The following SLC36A1 variants were observed in gnomAD, a reference collection of about 807,000 sequenced individuals.
SLC36A1 encodes the protein solute carrier family 36 member 1.
Under a neutral mutation model 47.5 loss-of-function variants are expected in SLC36A1, and 30 were observed. The observed-to-expected ratio is 0.63, with a 90% CI of 0.47 to 0.86. The LOEUF (loss-of-function observed/expected upper bound fraction) is 0.86. Ranked by LOEUF, SLC36A1 falls within the 40% of genes least tolerant of loss-of-function variation. The probability of loss-of-function intolerance (pLI) is 0.00; values close to 1 mark genes in which losing one functional copy is unlikely to be tolerated. For missense variants in SLC36A1, 517 were observed against 606.0 expected, an observed-to-expected ratio of 0.85 and a Z score of 1.54; for synonymous variants, 255 against 249.7, an observed-to-expected ratio of 1.02 and a Z score of -0.20.
At chr5:151,495,855 A>T (rs901026082), downstream of SLC36A1, among the ~76,000 whole-genome samples, 1 of 152,154 alleles carries the variant, frequency 6.6e-6, no homozygotes, top group Non-Finnish European at 1.5e-5. Flanking sequence ...ATTTATCAAT[A>T]GTTTTTTTCT....
intron 10 of SLC36A1, among the ~76,000 whole-genome samples, chr5:151,483,521 G>GGGGGCA (rs1759116459): frequency 1.8e-5 from 2 of 109,458 alleles, no homozygotes; most frequent in African/African-American, 5.7e-5. Flanking sequence ...TGTGTGTGGG[G>GGGGGCA]GGGGTGATTA....
chr5:151,465,701 G>C lies in SLC36A1; in HGVS notation c.419+532G>C, dbSNP rs142503997. Among the ~76,000 whole-genome samples, 32 of 152,284 alleles carry C rather than the reference G, an allele frequency of 2.1e-4. No individual in the cohort carries two copies. The East Asian group carries it at 6.2e-3, about 29-fold the overall frequency. ...GGAGTACACCCTCAGTGCTCAGAGA[G>C]AGAGGAACTTTAAAGATTCTCTTGT... On this transcript the variant is annotated intron_variant, in intron 5 of 10. Transcript: ENST00000243389.
rs901593142 is a variant in SLC36A1 at position 151,490,896 on chromosome 5, T to C, written c.*2642T>C. The C allele has an allele frequency of 2.0e-5, 3 of 152,302 alleles. No homozygotes were observed. The highest frequency in any genetic ancestry group is 4.4e-5 in the Non-Finnish European group (3 of 68,130). The allele number at this position is 152,302 out of a possible 1,614,324, so 9.4% of individuals were successfully genotyped here. ...GAATCTCTTATGCAGCCCAAAGGGCTTCTTGAGGTAGAGAGCCCTCCCCAG... is the reference window on the plus strand; with the variant it reads ...GAATCTCTTATGCAGCCCAAAGGGCCTCTTGAGGTAGAGAGCCCTCCCCAG... On this transcript the variant is annotated 3_prime_UTR_variant, in exon 11 of 11. Transcript: ENST00000243389.
At chr5:151,550,605 G>A in the SLC36A1 span, 3,946 of 1,614,098 alleles carry the variant, frequency 2.4e-3, 14 homozygotes, top group Non-Finnish European at 3.1e-3. Context: ...CTGTCAGTGT[G>A]TGCTGGGAGG....
chr5:151,540,251 C>T, the SLC36A1 span, among the ~76,000 whole-genome samples: 21 of 152,174 alleles, frequency 1.4e-4, no homozygotes, highest in Admixed American at 1.3e-3. Flanking sequence ...AGAATGGTCC[C>T]TGCCCCTGGG....
chr5:151,347,918 G>A, the SLC36A1 span, among the ~76,000 whole-genome samples: 7 of 152,280 alleles, frequency 4.6e-5, no homozygotes, highest in South Asian at 1.2e-3. Context: ...TAGCTAGAAA[G>A]TGACAGAGTT....
the SLC36A1 span, chr5:151,525,890 A>G: frequency 1.2e-6 from 2 of 1,614,034 alleles, no homozygotes; most frequent in South Asian, 2.2e-5. Flanking sequence ...CGAAACGAGT[A>G]GGGGGGGCCA....
rs747331189 is a variant in SLC36A1 at position 151,491,431 on chromosome 5, C to T, written c.*3177C>T. 1.3e-5 allele frequency: 2 copies of T among 152,626 alleles called. No homozygotes were observed. The highest frequency in any genetic ancestry group is 6.5e-5 in the Admixed American group (1 of 15,280). 9.5% of individuals were successfully genotyped at this position (152,626 alleles called of 1,614,324 possible). ...GCTCACTGCTCACTGTCTATCCCCA[C>T]GAAATTTAGTTTTATCAGTAGTCTT... is the stretch of plus-strand genomic sequence containing the variant. On this transcript the variant is annotated 3_prime_UTR_variant, in exon 11 of 11. Transcript: ENST00000243389.
the SLC36A1 span, among the ~76,000 whole-genome samples, chr5:151,421,174 CTCCTTCCTTCCTTCCT>C: frequency 1.8e-4 from 25 of 138,888 alleles, no homozygotes; most frequent in South Asian, 3.3e-3. Flanking sequence ...CGCCCTTTCT[CTCCTTCCTTCCTTCCT>C]TCCTTCCTTC....
the SLC36A1 span, among the ~76,000 whole-genome samples, chr5:151,403,751 G>A: frequency 6.6e-6 from 1 of 152,280 alleles, no homozygotes; most frequent in South Asian, 2.1e-4. Context: ...TCTTGGTATT[G>A]ATTTCTATTT....
the SLC36A1 span, among the ~76,000 whole-genome samples, chr5:151,389,290 G>A: frequency 5.4e-4 from 82 of 151,912 alleles, no homozygotes; most frequent in African/African-American, 1.9e-3. Context: ...TGCTAAGAAG[G>A]CTCTTTCCCT....
the SLC36A1 span, among the ~76,000 whole-genome samples, chr5:151,518,598 C>T: frequency 6.6e-5 from 10 of 151,982 alleles, no homozygotes; most frequent in Admixed American, 2.0e-4. Context: ...CAATAAAATG[C>T]GGCTGAGAGG....
At chr5:151,372,160 T>C in the SLC36A1 span, among the ~76,000 whole-genome samples, 1 of 152,192 alleles carries the variant, frequency 6.6e-6, no homozygotes, top group African/African-American at 2.4e-5. Flanking sequence ...AATTCTGAGA[T>C]TCTGGGACTC....
upstream of SLC36A1, among the ~76,000 whole-genome samples, chr5:151,444,653 C>G (rs1752819363): frequency 2.6e-5 from 4 of 151,954 alleles, no homozygotes; most frequent in Admixed American, 2.6e-4. Context: ...GCTGGGCTGA[C>G]TTTTGTATTT....
At chr5:151,546,205 T>C in the SLC36A1 span, 1 of 1,614,206 alleles carries the variant, frequency 6.2e-7, no homozygotes, top group Non-Finnish European at 8.5e-7. Context: ...AGCCAGGTCA[T>C]GCCATTGTGG....
In SLC36A1 at chr5:151,488,377, C is replaced by A; in HGVS notation, c.*123C>A. The A allele has an allele frequency of 7.8e-7, 1 of 1,280,462 alleles. No individual in the cohort carries two copies. The highest frequency in any genetic ancestry group is 1.1e-6 in the Non-Finnish European group (1 of 938,906). 79.3% of individuals were successfully genotyped at this position (1,280,462 alleles called of 1,614,324 possible). A position where few individuals can be genotyped will look rare whatever the true frequency, so the allele number is the denominator to read the frequency against. On this transcript the variant is annotated 3_prime_UTR_variant, in exon 11 of 11. Transcript: ENST00000243389. ...TCAGGGTTGCTGTGTGGGAACCCCTCTGCCTGGCACCTGGATACCCTGGGC... is the reference window on the plus strand; with the variant it reads ...TCAGGGTTGCTGTGTGGGAACCCCTATGCCTGGCACCTGGATACCCTGGGC...
the SLC36A1 span, among the ~76,000 whole-genome samples, chr5:151,388,516 A>G: frequency 6.6e-6 from 1 of 150,904 alleles, no homozygotes; most frequent in African/African-American, 2.4e-5. Context: ...GAAAAAAAAA[A>G]AAAAAAAAGA....
the SLC36A1 span, among the ~76,000 whole-genome samples, chr5:151,536,602 G>A: frequency 1.3e-5 from 2 of 152,268 alleles, no homozygotes; most frequent in African/African-American, 4.8e-5. Context: ...AGCCTCTCCT[G>A]GCTACTCCTG....
At chr5:151,435,474 C>A (rs1759713709), upstream of SLC36A1, among the ~76,000 whole-genome samples, 2 of 152,016 alleles carry the variant, frequency 1.3e-5, no homozygotes, top group Non-Finnish European at 2.9e-5. Flanking sequence ...ATGGGTAAAT[C>A]TTGATTCTAA....
Sources: allele counts gnomAD v4.1 joint callset (sites outside exome capture counted in the v4.1 genomes callset), GRCh38; gene constraint gnomAD v4.1.1; transcripts MANE v1.5; gene names NCBI Gene and HGNC (gene_info 2026-07-23, HGNC 2026-07-21).